CEP170: variants seen among roughly 807,000 people sequenced by gnomAD.
The protein encoded by CEP170 is centrosomal protein of 170 kDa.
In CEP170, 21 loss-of-function variants were observed where a neutral mutation model predicts 151.9. That is an observed-to-expected ratio of 0.14 (90% CI 0.10 to 0.20). The LOEUF is 0.20. Ranked by LOEUF, CEP170 falls within the 10% of genes least tolerant of loss-of-function variation. The pLI, the probability that CEP170 is intolerant of heterozygous loss-of-function variation, is 1.00. For missense variants in CEP170, 964 were observed against 1,892.9 expected (o/e 0.51, Z 9.11); for synonymous variants, 356 against 648.8 (o/e 0.55, Z 6.86).
chr1:243,141,594 C>T lies in CEP170; in HGVS notation c.4059+722G>A, dbSNP rs1389004310. 3.3e-5 allele frequency among the ~76,000 whole-genome samples: 5 copies of T among 152,330 alleles called. No individual in the cohort carries two copies. The South Asian group carries it at 8.3e-4, about 25-fold the overall frequency. ...AAATGCCAATCCTTTGCTTACATTTCTGCCCCAAATCAAAGCAGCCAACAT... is the reference window on the plus strand; with the variant it reads ...AAATGCCAATCCTTTGCTTACATTTTTGCCCCAAATCAAAGCAGCCAACAT... On this transcript the variant is annotated intron_variant, in intron 15 of 19. Coordinates refer to ENST00000366542, the MANE Select transcript of CEP170 (RefSeq NM_014812.3).
intron 7 of CEP170, among the ~76,000 whole-genome samples, chr1:243,196,081 G>A (rs1459157519): frequency 6.6e-6 from 1 of 152,072 alleles, no homozygotes; most frequent in Non-Finnish European, 1.5e-5. Flanking sequence ...AAGTATTGCT[G>A]GATGCTTCAC....
chr1:243,202,508 G>T (rs1038005144), intron 4 of CEP170, among the ~76,000 whole-genome samples: 1 of 151,806 alleles, frequency 6.6e-6, no homozygotes, highest in Non-Finnish European at 1.5e-5. Flanking sequence ...AAAAAACCTA[G>T]AATTTAATAA....
At chr1:243,249,607 G>C (rs769979660) in intron 1 of CEP170, among the ~76,000 whole-genome samples, 9 of 152,064 alleles carry the variant, frequency 5.9e-5, no homozygotes, top group Admixed American at 2.0e-4. Flanking sequence ...ATGAACACTT[G>C]AAAACAAATG....
intron 4 of CEP170, among the ~76,000 whole-genome samples, chr1:243,210,984 C>T (rs1468192666): frequency 6.6e-6 from 1 of 151,804 alleles, no homozygotes; most frequent in Non-Finnish European, 1.5e-5. Flanking sequence ...TAAGCATCTA[C>T]TCTATTTAGC....
chr1:243,153,286 T>C (rs552541830), intron 14 of CEP170, among the ~76,000 whole-genome samples: 40 of 152,312 alleles, frequency 2.6e-4, no homozygotes, highest in African/African-American at 9.4e-4. Flanking sequence ...GTGAGCACTG[T>C]TGAGATGACA....
intron 10 of CEP170, among the ~76,000 whole-genome samples, chr1:243,176,465 T>TC (rs2059262132): frequency 1.2e-5 from 1 of 86,196 alleles, no homozygotes; most frequent in African/African-American, 4.0e-5. Flanking sequence ...CTCCTACAGT[T>TC]CCCCCGATCC....
chr1:243,242,698 G>GAA (rs2064972516), intron 1 of CEP170, among the ~76,000 whole-genome samples: 4 of 151,660 alleles, frequency 2.6e-5, no homozygotes, highest in African/African-American at 9.7e-5. Context: ...TATAAATTTT[G>GAA]AATCCTTTTT....
rs541958665 is a variant in CEP170 at position 243,218,482 on chromosome 1, G to C, written c.195+3242C>G. Among the ~76,000 whole-genome samples, 17 of 152,202 alleles carry C rather than the reference G, an allele frequency of 1.1e-4. 1 individual carries two copies. Among genetic ancestry groups the C allele is most frequent in the African/African-American group, 4.1e-4 (17 of 41,448 alleles). ...CCGTTAAAATATCAGCAACGGAACCGACTGTAGCTTTCTCAGGCAGAACAA... is the reference window on the plus strand; with the variant it reads ...CCGTTAAAATATCAGCAACGGAACCCACTGTAGCTTTCTCAGGCAGAACAA... On this transcript the variant is annotated intron_variant, in intron 3 of 19. Coordinates refer to ENST00000366542, the MANE Select transcript of CEP170 (RefSeq NM_014812.3).
intron 10 of CEP170, among the ~76,000 whole-genome samples, chr1:243,178,190 G>A (rs1319171791): frequency 5.3e-5 from 8 of 151,506 alleles, no homozygotes; most frequent in South Asian, 4.2e-4. Flanking sequence ...TTAACCGGGC[G>A]TGGTGGCAAG....
chr1:243,240,415 C>T (rs1428722335), intron 1 of CEP170, among the ~76,000 whole-genome samples: 4 of 152,138 alleles, frequency 2.6e-5, no homozygotes, highest in Admixed American at 2.0e-4. Flanking sequence ...AAAGTGAAGC[C>T]GTTCACCATC....
rs145391486 is a variant in CEP170 at position 243,150,863 on chromosome 1, T to C, written c.3911+5358A>G. Among the ~76,000 whole-genome samples the C allele has an allele frequency of 6.1e-3, 933 of 152,320 alleles. 10 individuals carry two copies. The highest frequency in any genetic ancestry group is 0.021 in the African/African-American group (887 of 41,574). On this transcript the variant is annotated intron_variant, in intron 14 of 19. Transcript: ENST00000366542. Reference sequence around the variant, plus strand: ...CAGGTTGGCACCATTACGTCCATTTTACCGATGAGATCACTAGAACACATT... The same window carrying C: ...CAGGTTGGCACCATTACGTCCATTTCACCGATGAGATCACTAGAACACATT...
intron 16 of CEP170, among the ~76,000 whole-genome samples, chr1:243,137,492 T>C (rs2055234674): frequency 6.6e-6 from 1 of 152,146 alleles, no homozygotes; most frequent in Admixed American, 6.5e-5. Context: ...AGAATTCTAA[T>C]GAGGCCGGGC....
intron 17 of CEP170, among the ~76,000 whole-genome samples, chr1:243,134,666 T>A (rs1037361190): frequency 7.0e-6 from 1 of 142,456 alleles, no homozygotes; most frequent in Non-Finnish European, 1.6e-5. Flanking sequence ...CCCAGCCAAT[T>A]TTTTTTTTTT....
Position 243,249,418 on chromosome 1 carries a change from A to AAAATAAAT in CEP170, c.-42+5614_-42+5621dup, listed in dbSNP as rs74729358. ...GGGCGACAGAACAAGACTCTGTCTC[A>AAAATAAAT]AAATAAATAAATAAATAAATAAATA... is the stretch of plus-strand genomic sequence containing the variant. On this transcript the variant is annotated intron_variant, in intron 1 of 19. Transcript: ENST00000366542. Among the ~76,000 whole-genome samples the AAAATAAAT allele has an allele frequency of 5.1e-3, 751 of 148,414 alleles. 5 individuals carry two copies. The highest frequency in any genetic ancestry group is 0.017 in the Middle Eastern group (5 of 292).
rs966218076 is a variant in CEP170 at position 243,125,219 on chromosome 1, T to C, written c.*1230A>G. 6.6e-6 allele frequency: 1 copy of C among 152,400 alleles called. No homozygotes were observed. Among genetic ancestry groups the C allele is most frequent in the African/African-American group, 2.4e-5 (1 of 41,450 alleles). The allele number at this position is 152,400 out of a possible 1,614,324, so 9.4% of individuals were successfully genotyped here. ...AACACAAAGGTAATTACTTTTCTTT[T>C]TAAAATTATCCAAATGTGAACTTAC... On this transcript the variant is annotated 3_prime_UTR_variant, in exon 20 of 20. Transcript: ENST00000366542.
chr1:243,226,828 A>G (rs963445831), intron 1 of CEP170, among the ~76,000 whole-genome samples: 1 of 152,156 alleles, frequency 6.6e-6, no homozygotes, highest in Non-Finnish European at 1.5e-5. Flanking sequence ...CGACTCTACT[A>G]AAAATACAAA....
At chr1:243,252,976 CTG>C (rs768046258) in intron 1 of CEP170, 1 of 152,150 alleles carries the variant, frequency 6.6e-6, no homozygotes, top group Non-Finnish European at 1.5e-5. Flanking sequence ...AACTCATTAA[CTG>C]TGGCAAAATA....
At chr1:243,231,000 C>T (rs951860594) in intron 1 of CEP170, among the ~76,000 whole-genome samples, 2 of 151,888 alleles carry the variant, frequency 1.3e-5, no homozygotes, top group African/African-American at 4.8e-5. Flanking sequence ...ACAGAAGTGA[C>T]TCTTCATGTA....
chr1:243,219,713 A>G (rs2062621609), intron 3 of CEP170, among the ~76,000 whole-genome samples: 2 of 152,254 alleles, frequency 1.3e-5, no homozygotes, highest in Admixed American at 1.3e-4. Context: ...TAAAGACAAT[A>G]TAACATTGTC....
Sources: allele counts gnomAD v4.1 joint callset (sites outside exome capture counted in the v4.1 genomes callset), GRCh38; gene constraint gnomAD v4.1.1; transcripts MANE v1.5; gene names NCBI Gene and HGNC (gene_info 2026-07-23, HGNC 2026-07-21).